The following RASAL1 variants were observed in gnomAD, a reference collection of about 807,000 sequenced individuals.
RASAL1 encodes RAS protein activator like 1, also known as rasGAP-activating-like protein 1.
In RASAL1, 72 loss-of-function variants were observed where a neutral mutation model predicts 96.6. The ratio of observed to expected loss-of-function variants is 0.75; its 90% CI spans 0.62 to 0.91. The LOEUF is 0.91. RASAL1 is among the 40% of genes least tolerant of loss of function. The pLI, the probability that RASAL1 is intolerant of heterozygous loss-of-function variation, is 0.00. For synonymous variants in RASAL1, 405 were observed against 430.4 expected, an observed-to-expected ratio of 0.94 and a Z score of 0.73; for missense variants, 1,016 against 1,072.5, an observed-to-expected ratio of 0.95 and a Z score of 0.74.
intron 12 of RASAL1, among the ~76,000 whole-genome samples, chr12:113,113,194 G>T (rs1010405251): frequency 3.3e-5 from 5 of 152,188 alleles, no homozygotes; most frequent in African/African-American, 4.8e-5. Context: ...TAGAGTGACA[G>T]CTGGGGGTTC....
chr12:113,117,717 G>A (rs1248283957), intron 7 of RASAL1, among the ~76,000 whole-genome samples: 1 of 152,170 alleles, frequency 6.6e-6, no homozygotes, highest in Non-Finnish European at 1.5e-5. Context: ...CTCATTACCA[G>A]TCACTTCGTG....
chr12:113,115,334 G>T lies in RASAL1; in HGVS notation c.1004-70C>A. The T allele has an allele frequency of 1.4e-6, 2 of 1,411,402 alleles. No homozygotes were observed. Among genetic ancestry groups the T allele is most frequent in the Non-Finnish European group, 2.0e-6 (2 of 996,178 alleles). 87.4% of individuals were successfully genotyped at this position (1,411,402 alleles called of 1,614,324 possible). On this transcript the variant is annotated intron_variant, in intron 10 of 20. Coordinates refer to ENST00000548055, the MANE Select transcript of RASAL1 (RefSeq NM_001301202.2). The surrounding 1 kb of genome is among the most constrained non-coding windows in gnomAD (Gnocchi z 4.1). ...ACCCAGCTCACCCCACTCACCCAAG[G>T]TGGGAGTCATGATTCTTCCAGCCCC...
chr12:113,110,577 G>C (rs1264554518), intron 13 of RASAL1, among the ~76,000 whole-genome samples: 2 of 152,186 alleles, frequency 1.3e-5, no homozygotes, highest in Non-Finnish European at 2.9e-5. Context: ...ATGACCCAAA[G>C]TGTTTTTGTG....
intron 1 of RASAL1, among the ~76,000 whole-genome samples, chr12:113,131,451 T>TA (rs1951706777): frequency 6.6e-6 from 1 of 152,116 alleles, no homozygotes; most frequent in Admixed American, 6.5e-5. Context: ...GCAGGGGCTT[T>TA]AATGCTGTGT....
At chr12:113,127,733 C>T in intron 4 of RASAL1, 79 bp downstream of exon 4, 1 of 1,222,018 alleles carries the variant, frequency 8.2e-7, no homozygotes, top group Non-Finnish European at 1.2e-6. Context: ...CTGTGCTTCA[C>T]CGTGCCATGT....
chr12:113,102,567 C>A (rs12423732), intron 18 of RASAL1, among the ~76,000 whole-genome samples: 17,006 of 152,040 alleles, frequency 0.11, 1,123 homozygotes, highest in Middle Eastern at 0.19. Flanking sequence ...CACACACACA[C>A]AAAAATATTA....
In RASAL1 at chr12:113,101,890, T is replaced by C. The variant is rs1950460402; in HGVS notation, c.2224A>G (p.Arg742Gly). ...RQLLLGRDQL[R>G]LKLLEDSNMD... is the part of the protein sequence containing the mutation. ...AGTGGGATGGGTGGGGGCACCCACC[T>C]GAGCTGGTCCCGCCCCAGGAGCAGC... The change falls in exon 19 of 21, where the codon AGG becomes GGG. Residue 742 changes from arginine to glycine, a missense_variant and splice_region_variant. By Grantham distance (125) the Arg-to-Gly change is moderately radical. Coordinates refer to ENST00000548055, the MANE Select transcript of RASAL1 (RefSeq NM_001301202.2). 3 of 1,613,086 alleles carry C rather than the reference T, an allele frequency of 1.9e-6. No individual in the cohort carries two copies. Among genetic ancestry groups the C allele is most frequent in the Admixed American group, 3.3e-5 (2 of 59,918 alleles).
In RASAL1 at chr12:113,107,187, A is replaced by G; in HGVS notation, c.1567T>C (p.Trp523Arg). 1 of 1,613,752 alleles carries G rather than the reference A, an allele frequency of 6.2e-7. No individual in the cohort carries two copies. Among genetic ancestry groups the G allele is most frequent in the Non-Finnish European group, 8.5e-7 (1 of 1,179,772 alleles). The change falls in exon 15 of 21, where the codon TGG becomes CGG. Residue 523 changes from tryptophan (W) to arginine (R), a missense_variant. Trp to Arg is a moderately radical substitution (Grantham distance 101, BLOSUM62 -3). Transcript: ENST00000548055. ...GQQLGQGKELWMAPLHPFLLQ... is the reference protein window; with the variant it reads ...GQQLGQGKELRMAPLHPFLLQ... ...AGGAAGGGGTGCAGGGGGGCCATCC[A>G]CAGTTCCTTGCCTTGGCCCAGCTGC...
Position 113,115,566 on chromosome 12 carries a change from C to G in RASAL1, c.1003+69G>C. On this transcript the variant is annotated intron_variant, in intron 10 of 20. Coordinates refer to ENST00000548055, the MANE Select transcript of RASAL1 (RefSeq NM_001301202.2). This position sits in a 1 kb window ranked among gnomAD's most constrained non-coding sequence, Gnocchi z 4.1. ...CCCTCTGCCTGAGGCCTCCCCATTCCTCCCCCAGGACCCTCCTGCAAGCCC... is the reference window on the plus strand; with the variant it reads ...CCCTCTGCCTGAGGCCTCCCCATTCGTCCCCCAGGACCCTCCTGCAAGCCC... 1 of 1,560,190 alleles carries G rather than the reference C, an allele frequency of 6.4e-7. No homozygotes were observed.
chr12:113,114,549 T>C (rs1302443603), intron 12 of RASAL1, among the ~76,000 whole-genome samples: 1 of 151,860 alleles, frequency 6.6e-6, no homozygotes, highest in African/African-American at 2.4e-5. Context: ...TTTGGCAACT[T>C]TGTCCACCAG....
rs147235005 is a variant in RASAL1 at position 113,117,098 on chromosome 12, A to C, written c.706T>G (p.Phe236Val). The C allele has an allele frequency of 2.6e-5, 42 of 1,609,160 alleles. No individual in the cohort carries two copies. The highest frequency in any genetic ancestry group is 3.5e-5 in the Non-Finnish European group (41 of 1,176,520). Residue 236 changes from phenylalanine (F) to valine (V), a missense_variant, in exon 8 of 21, where the codon TTT becomes GTT. Transcript: ENST00000548055. ...CCAGAATCCTCCTCGGCTCTGGGAAAGGGCAGGAGGCGGAACCAGCCTTTA... is the reference window on the plus strand; with the variant it reads ...CCAGAATCCTCCTCGGCTCTGGGAACGGGCAGGAGGCGGAACCAGCCTTTA... ...PPKGWFRLLPFPRAEEDSGGN... is the reference protein window; with the variant it reads ...PPKGWFRLLPVPRAEEDSGGN...
rs1379042556 is a variant in RASAL1, at chr12:113,130,002, G to A, written c.122+883C>T. 6.6e-6 allele frequency among the ~76,000 whole-genome samples: 1 copy of A among 152,138 alleles called. No homozygotes were observed. The highest frequency in any genetic ancestry group is 1.9e-4 in the East Asian group (1 of 5,188). On this transcript the variant is annotated intron_variant, in intron 2 of 20. Transcript: ENST00000548055. This position sits in a 1 kb window ranked among gnomAD's most constrained non-coding sequence, Gnocchi z 5.1. ...CATGAGCACTGGGAGGACAGTGGAGGGGAGTCAGTGGAGGGGGGAGCTACA... is the reference window on the plus strand; with the variant it reads ...CATGAGCACTGGGAGGACAGTGGAGAGGAGTCAGTGGAGGGGGGAGCTACA...
intron 1 of RASAL1, among the ~76,000 whole-genome samples, chr12:113,133,026 G>T (rs1592970772): frequency 6.6e-6 from 1 of 152,198 alleles, no homozygotes; most frequent in African/African-American, 2.4e-5. Flanking sequence ...CTTTATGCAG[G>T]CTCCCACCCC....
intron 4 of RASAL1, among the ~76,000 whole-genome samples, chr12:113,124,217 C>CAAAAA (rs35190885): frequency 1.0e-5 from 1 of 98,378 alleles, no homozygotes; most frequent in African/African-American, 3.9e-5. Flanking sequence ...GACTCTGTCT[C>CAAAAA]AAAAAAAAAA....
Position 113,119,463 on chromosome 12 carries a change from G to A in RASAL1, c.429-20C>T. ...AGGTCCCTGGGAACAGATGGGGAAA[G>A]GAGTGAGGAAACACGGCACCCAAGT... On this transcript the variant is annotated intron_variant, in intron 5 of 20. Transcript: ENST00000548055. 2.5e-6 allele frequency: 4 copies of A among 1,591,538 alleles called. No homozygotes were observed. Among genetic ancestry groups the A allele is most frequent in the Non-Finnish European group, 8.6e-7 (1 of 1,166,424 alleles).
chr12:113,111,985 C>T, intron 13 of RASAL1, 101 bp downstream of exon 13: 2 of 1,055,952 alleles, frequency 1.9e-6, no homozygotes, highest in Non-Finnish European at 2.4e-6. Flanking sequence ...TGCTCTAGTG[C>T]CGGCAGCCTA....
intron 4 of RASAL1, among the ~76,000 whole-genome samples, chr12:113,122,379 C>G (rs1433177753): frequency 6.6e-6 from 1 of 152,072 alleles, no homozygotes; most frequent in East Asian, 1.9e-4. Flanking sequence ...GCTGGAGTGC[C>G]GTGGCACAAT....
At chr12:113,132,345 G>T (rs933677912) in intron 1 of RASAL1, among the ~76,000 whole-genome samples, 13 of 152,056 alleles carry the variant, frequency 8.5e-5, no homozygotes, top group South Asian at 2.1e-4. Context: ...ACTCCCTGGG[G>T]AGAGTCTGTG....
At chr12:113,126,688 T>TCTCACA (rs372157451) in intron 4 of RASAL1, among the ~76,000 whole-genome samples, 30 of 139,014 alleles carry the variant, frequency 2.2e-4, no homozygotes, top group East Asian at 2.1e-3. Context: ...TCTCTCTCTC[T>TCTCACA]CACACACACA....
Sources: gnomAD v4.1 joint callset for allele counts (sites outside exome capture counted in the v4.1 genomes callset) on GRCh38, gnomAD v4.1.1 for gene constraint, Gnocchi (gnomAD v3.1) non-coding constraint, MANE v1.5 for transcripts, NCBI Gene and HGNC (gene_info 2026-07-23, HGNC 2026-07-21) for gene names.